The following RNF217 variants were observed in gnomAD, a reference collection of about 807,000 sequenced individuals.
The protein encoded by RNF217 is ring finger protein 217.
In RNF217, 31 loss-of-function variants were observed where a neutral mutation model predicts 57.8. The ratio of observed to expected loss-of-function variants is 0.54; its 90% CI spans 0.40 to 0.72. The LOEUF is 0.72. RNF217 is among the 30% of genes least tolerant of loss of function. The pLI, the probability that RNF217 is intolerant of heterozygous loss-of-function variation, is 0.00. For synonymous variants in RNF217, 313 were observed against 294.0 expected, an observed-to-expected ratio of 1.06 and a Z score of -0.66; for missense variants, 696 against 708.3, an observed-to-expected ratio of 0.98 and a Z score of 0.20.
At chr6:125,030,481 G>A (rs1182245785) in intron 1 of RNF217, among the ~76,000 whole-genome samples, 1 of 152,188 alleles carries the variant, frequency 6.6e-6, no homozygotes, top group Non-Finnish European at 1.5e-5. Context: ...GGGAATACAG[G>A]TATTGGGTAA....
At position 125,083,022 on chromosome 6, in the gene RNF217, AAC is replaced by A; in HGVS notation, c.*88_*89del. On this transcript the variant is annotated 3_prime_UTR_variant, in exon 6 of 6. Coordinates refer to ENST00000521654, the MANE Select transcript of RNF217 (RefSeq NM_001286398.3). ...CCCATCTGTGAGTCACATCTTGAAA[AAC>A]ACTGAGAGGAACCTTCTACCATCTC... 1 of 887,700 alleles carries A rather than the reference AAC, an allele frequency of 1.1e-6. No individual in the cohort carries two copies. The highest frequency in any genetic ancestry group is 1.7e-6 in the Non-Finnish European group (1 of 595,258). The allele number at this position is 887,700 out of a possible 1,614,324, so 55.0% of individuals were successfully genotyped here.
At chr6:125,052,312 G>T (rs1243427095) in intron 2 of RNF217, among the ~76,000 whole-genome samples, 1,597 of 145,418 alleles carry the variant, frequency 0.011, 34 homozygotes, top group African/African-American at 0.042. Context: ...GTGTGTGTGT[G>T]TGTGTGTGGT....
chr6:125,048,528 T>C (rs12664303), intron 2 of RNF217, among the ~76,000 whole-genome samples: 47,103 of 151,948 alleles, frequency 0.31, 8,372 homozygotes, highest in East Asian at 0.4. Flanking sequence ...TAATGTTTAT[T>C]TTAATGTTAT....
chr6:125,049,681 C>G (rs1787235515), intron 2 of RNF217, among the ~76,000 whole-genome samples: 1 of 151,580 alleles, frequency 6.6e-6, no homozygotes. Flanking sequence ...ATGACACATA[C>G]TGGAAAGTAT....
intron 1 of RNF217, among the ~76,000 whole-genome samples, chr6:125,026,309 G>A (rs1178815506): frequency 6.6e-6 from 1 of 152,010 alleles, no homozygotes; most frequent in African/African-American, 2.4e-5. Flanking sequence ...TTTCTTTCTG[G>A]GTGACCTTGG....
intron 4 of RNF217, 50 bp from the exon 5 acceptor site, chr6:125,081,386 G>T: frequency 1.5e-6 from 2 of 1,344,266 alleles, no homozygotes; most frequent in South Asian, 1.2e-5. Context: ...GTAATTATTT[G>T]GTAGGTTAGT....
At chr6:125,058,580 G>A (rs943625452) in intron 3 of RNF217, among the ~76,000 whole-genome samples, 5 of 152,032 alleles carry the variant, frequency 3.3e-5, no homozygotes, top group African/African-American at 1.2e-4. Flanking sequence ...TTGCAAATCT[G>A]GTAAAGTAAA....
intron 1 of RNF217, chr6:125,009,494 G>T (rs986979291): frequency 3.0e-5 from 14 of 471,288 alleles, no homozygotes; most frequent in Middle Eastern, 3.1e-4. Flanking sequence ...GAAAAACAGA[G>T]ACTATTTACC....
At chr6:125,072,797 T>A (rs1028897734) in intron 3 of RNF217, among the ~76,000 whole-genome samples, 7 of 152,150 alleles carry the variant, frequency 4.6e-5, no homozygotes, top group African/African-American at 1.7e-4. Context: ...ATATGATTGA[T>A]CTTCTGGTGT....
Position 125,092,605 on chromosome 6 carries a change from T to C in RNF217, c.*9668T>C, listed in dbSNP as rs577462409. On this transcript the variant is annotated 3_prime_UTR_variant, in exon 6 of 6. Transcript: ENST00000521654. ...TACATCATGCAATGTTATTTAGCAATGCGTAATAAAAGTTTTTAAAAGAGA... is the reference window on the plus strand; with the variant it reads ...TACATCATGCAATGTTATTTAGCAACGCGTAATAAAAGTTTTTAAAAGAGA... 5.3e-5 allele frequency: 8 copies of C among 152,318 alleles called. No individual in the cohort carries two copies. The South Asian group carries it at 1.5e-3, about 28-fold the overall frequency. The allele number at this position is 152,318 out of a possible 1,614,324, so 9.4% of individuals were successfully genotyped here.
intron 1 of RNF217, among the ~76,000 whole-genome samples, chr6:124,978,010 G>A (rs963166492): frequency 6.6e-6 from 1 of 151,980 alleles, no homozygotes; most frequent in African/African-American, 2.4e-5. Context: ...TTCTGTTAAA[G>A]ATAAAATGAT....
intron 3 of RNF217, among the ~76,000 whole-genome samples, chr6:125,074,313 A>T (rs569720899): frequency 6.8e-6 from 1 of 147,872 alleles, no homozygotes; most frequent in African/African-American, 2.4e-5. Context: ...AGATAGATAG[A>T]TAGATAGATA....
chr6:125,041,320 T>C (rs997000825), intron 1 of RNF217, among the ~76,000 whole-genome samples: 2 of 152,120 alleles, frequency 1.3e-5, no homozygotes, highest in Non-Finnish European at 2.9e-5. Flanking sequence ...GGAAGAGCCA[T>C]TGAATCCAGA....
At chr6:124,977,571 C>A (rs985680121) in intron 1 of RNF217, among the ~76,000 whole-genome samples, 1 of 152,138 alleles carries the variant, frequency 6.6e-6, no homozygotes, top group African/African-American at 2.4e-5. Context: ...TTGCTCTGTT[C>A]TAATATGCTT....
intron 1 of RNF217, among the ~76,000 whole-genome samples, chr6:125,002,875 A>G (rs903188309): frequency 6.6e-6 from 1 of 152,216 alleles, no homozygotes; most frequent in Non-Finnish European, 1.5e-5. Flanking sequence ...AGAGGAGGCT[A>G]CTTGGTATAT....
At chr6:125,064,307 T>C (rs1787857360) in intron 3 of RNF217, among the ~76,000 whole-genome samples, 1 of 152,154 alleles carries the variant, frequency 6.6e-6, no homozygotes, top group African/African-American at 2.4e-5. Flanking sequence ...ATTGGCACTG[T>C]TTTTATGGTA....
chr6:125,060,027 G>T (rs1215897016), intron 3 of RNF217, among the ~76,000 whole-genome samples: 1 of 152,014 alleles, frequency 6.6e-6, no homozygotes, highest in Non-Finnish European at 1.5e-5. Context: ...TCTCTTTTAA[G>T]CATGACTTTA....
At chr6:125,051,750 A>G (rs1787325568) in intron 2 of RNF217, among the ~76,000 whole-genome samples, 1 of 151,936 alleles carries the variant, frequency 6.6e-6, no homozygotes, top group South Asian at 2.1e-4. Flanking sequence ...ACCTCTTGCT[A>G]CTTTATGTGG....
intron 1 of RNF217, among the ~76,000 whole-genome samples, chr6:124,994,332 C>T (rs756530461): frequency 7.1e-4 from 108 of 152,242 alleles, no homozygotes; most frequent in Non-Finnish European, 1.4e-3. Flanking sequence ...AAAATCCTGA[C>T]GTGATTTCAT....
Sources: allele counts gnomAD v4.1 joint callset (sites outside exome capture counted in the v4.1 genomes callset), GRCh38; gene constraint gnomAD v4.1.1; transcripts MANE v1.5; gene names NCBI Gene and HGNC (gene_info 2026-07-23, HGNC 2026-07-21).